Variants in KITLG observed in about 807,000 individuals in gnomAD.
KITLG encodes the protein KIT ligand.
Under a neutral mutation model 34.1 loss-of-function variants are expected in KITLG, and 13 were observed. The ratio of observed to expected loss-of-function variants is 0.38; its 90% CI spans 0.25 to 0.61. KITLG has a LOEUF of 0.61. Among genes scored for constraint, KITLG ranks in the 20% least tolerant of loss-of-function variants. The pLI is 0.60. For synonymous variants in KITLG, 110 were observed against 104.0 expected, an observed-to-expected ratio of 1.06 and a Z score of -0.35; for missense variants, 292 against 318.9, an observed-to-expected ratio of 0.92 and a Z score of 0.64.
chr12:88,578,415 T>C (rs1427952895), intron 1 of KITLG, among the ~76,000 whole-genome samples: 3 of 152,174 alleles, frequency 2.0e-5, no homozygotes, highest in Non-Finnish European at 4.4e-5. Flanking sequence ...AGGTCACATA[T>C]CTAAAATACT....
At chr12:88,532,381 G>T in intron 3 of KITLG, 60 bp downstream of exon 3, 1 of 1,201,700 alleles carries the variant, frequency 8.3e-7, no homozygotes, top group Non-Finnish European at 1.2e-6. Context: ...ATCTCAATAT[G>T]AATGATCCCA....
chr12:88,549,506 G>A (rs1228548366), intron 1 of KITLG, among the ~76,000 whole-genome samples: 1 of 152,138 alleles, frequency 6.6e-6, no homozygotes, highest in East Asian at 1.9e-4. Context: ...GACAGAGTAC[G>A]ATTTGAGAGA....
intron 3 of KITLG, among the ~76,000 whole-genome samples, chr12:88,527,097 T>C (rs954280515): frequency 6.6e-6 from 1 of 152,100 alleles, no homozygotes; most frequent in Non-Finnish European, 1.5e-5. Context: ...CTCGATCTCC[T>C]GACCTCATGA....
rs1253247500 is a variant in KITLG at position 88,550,964 on chromosome 12, AT to A, written c.16-5100del. Reference sequence around the variant, plus strand: ...GAATGATTTGATCAGGGCAACATAAATTTTTTTTGCATCAGTTAAATTCAAA... The same window carrying A: ...GAATGATTTGATCAGGGCAACATAAATTTTTTTGCATCAGTTAAATTCAAA... On this transcript the variant is annotated intron_variant, in intron 1 of 9. Transcript: ENST00000644744. 4.6e-5 allele frequency among the ~76,000 whole-genome samples: 7 copies of A among 152,054 alleles called. No individual in the cohort carries two copies. The East Asian group carries it at 1.2e-3, about 25-fold the overall frequency.
At chr12:88,514,640 C>A (rs1363141553) in intron 6 of KITLG, among the ~76,000 whole-genome samples, 1 of 151,518 alleles carries the variant, frequency 6.6e-6, no homozygotes, top group African/African-American at 2.4e-5. Flanking sequence ...CTATAAATAG[C>A]CTCAAATCAC....
chr12:88,508,881 C>T (rs1239463927), intron 6 of KITLG, among the ~76,000 whole-genome samples: 6 of 152,138 alleles, frequency 3.9e-5, no homozygotes, highest in Non-Finnish European at 7.3e-5. Context: ...ATTACGTGGA[C>T]TCGTTTGGGA....
intron 1 of KITLG, among the ~76,000 whole-genome samples, chr12:88,568,191 G>T (rs1871509628): frequency 6.6e-6 from 1 of 152,138 alleles, no homozygotes; most frequent in Non-Finnish European, 1.5e-5. Flanking sequence ...ACATACTGAT[G>T]TGTCTGCTGG....
chr12:88,558,729 A>G (rs1592583774), intron 1 of KITLG, among the ~76,000 whole-genome samples: 1 of 152,234 alleles, frequency 6.6e-6, no homozygotes, highest in Non-Finnish European at 1.5e-5. Flanking sequence ...CTGAGGGTGC[A>G]TCTCAGGAAA....
At chr12:88,568,628 G>T (rs1360509991) in intron 1 of KITLG, among the ~76,000 whole-genome samples, 1 of 152,122 alleles carries the variant, frequency 6.6e-6, no homozygotes, top group Admixed American at 6.6e-5. Flanking sequence ...CAAACCCCAT[G>T]CTTCTTCCAG....
chr12:88,534,374 C>CT (rs763194236), intron 2 of KITLG, among the ~76,000 whole-genome samples: 30 of 151,382 alleles, frequency 2.0e-4, no homozygotes, highest in Admixed American at 4.6e-4. Flanking sequence ...ATCATTGCTG[C>CT]TTTTTTTTTC....
intron 1 of KITLG, among the ~76,000 whole-genome samples, chr12:88,575,927 T>A (rs1179069176): frequency 6.7e-6 from 1 of 149,988 alleles, no homozygotes; most frequent in South Asian, 2.1e-4. Context: ...GAAAAAAAAA[T>A]GTCACTGCAC....
intron 6 of KITLG, among the ~76,000 whole-genome samples, chr12:88,507,976 C>T (rs535265647): frequency 2.0e-5 from 3 of 152,082 alleles, no homozygotes; most frequent in African/African-American, 7.2e-5. Context: ...CACCTGAGAT[C>T]CAGAGTTCAA....
intron 1 of KITLG, among the ~76,000 whole-genome samples, chr12:88,556,146 G>T (rs1312004594): frequency 6.6e-6 from 1 of 151,052 alleles, no homozygotes; most frequent in Non-Finnish European, 1.5e-5. Flanking sequence ...CCACAGAAGT[G>T]TGGAAACAAG....
intron 2 of KITLG, among the ~76,000 whole-genome samples, chr12:88,535,442 T>C (rs2120886846): frequency 6.6e-6 from 1 of 152,316 alleles, no homozygotes; most frequent in Non-Finnish European, 1.5e-5. Context: ...ATTTTACAAA[T>C]GAGGTCATGG....
At chr12:88,571,567 A>G (rs1262534475) in intron 1 of KITLG, among the ~76,000 whole-genome samples, 1 of 152,226 alleles carries the variant, frequency 6.6e-6, no homozygotes, top group Non-Finnish European at 1.5e-5. Context: ...CAGACCTAGC[A>G]CAATTGTTAA....
intron 3 of KITLG, among the ~76,000 whole-genome samples, chr12:88,523,914 T>C (rs1308855117): frequency 6.6e-6 from 1 of 152,190 alleles, no homozygotes; most frequent in African/African-American, 2.4e-5. Context: ...CTGATTAAGA[T>C]GGTAATCAAC....
intron 9 of KITLG, among the ~76,000 whole-genome samples, chr12:88,500,311 T>TG (rs1475427593): frequency 6.6e-6 from 1 of 152,264 alleles, no homozygotes; most frequent in Non-Finnish European, 1.5e-5. Context: ...AATTCTAATA[T>TG]GTCATTCATT....
chr12:88,553,351 C>A (rs1870985189), intron 1 of KITLG, among the ~76,000 whole-genome samples: 1 of 152,244 alleles, frequency 6.6e-6, no homozygotes. Context: ...CGCTCACACA[C>A]ACCCTAATGG....
intron 4 of KITLG, among the ~76,000 whole-genome samples, chr12:88,518,045 AAGT>A (rs1171051950): frequency 1.3e-5 from 2 of 152,146 alleles, no homozygotes; most frequent in Non-Finnish European, 2.9e-5. Flanking sequence ...TAGGGTGTTA[AAGT>A]ACTCATGGCA....
Sources: gnomAD v4.1 joint callset for allele counts (sites outside exome capture counted in the v4.1 genomes callset) on GRCh38, gnomAD v4.1.1 for gene constraint, MANE v1.5 for transcripts, NCBI Gene and HGNC (gene_info 2026-07-23, HGNC 2026-07-21) for gene names.